KCNT1: variants seen among roughly 807,000 people sequenced by gnomAD.
KCNT1 encodes the protein potassium sodium-activated channel subfamily T member 1.
KCNT1 carries 78 observed loss-of-function variants against 147.8 expected under a neutral mutation model. The ratio of observed to expected loss-of-function variants is 0.53; its 90% CI spans 0.44 to 0.64. KCNT1 has a LOEUF of 0.64. KCNT1 is among the 30% of genes least tolerant of loss of function. KCNT1 has a pLI of 0.00. For synonymous variants in KCNT1, 867 were observed against 748.8 expected, an observed-to-expected ratio of 1.16 and a Z score of -2.58; for missense variants, 1,419 against 1,750.3, an observed-to-expected ratio of 0.81 and a Z score of 3.38.
At position 135,765,349 on chromosome 9, in the gene KCNT1, CGCCATCCTCTCCCCAGGACT is replaced by C. The variant is rs60237528; in HGVS notation, c.1200+177_1200+196del. ...ATGCCTCCCTCCCGGCGCCCAGAGA[CGCCATCCTCTCCCCAGGACT>C]GCCATCCTCTCCCCAGGACTGCTTG... is the stretch of plus-strand genomic sequence containing the variant. On this transcript the variant is annotated intron_variant, in intron 12 of 30. Transcript: ENST00000371757. Among the ~76,000 whole-genome samples the C allele has an allele frequency of 0.38, 55,602 of 144,814 alleles. 11,378 individuals are homozygous for C. The highest frequency in any genetic ancestry group is 0.47 in the African/African-American group (18,402 of 38,922).
intron 1 of KCNT1, among the ~76,000 whole-genome samples, chr9:135,702,779 G>A (rs949477387): frequency 8.5e-5 from 13 of 152,200 alleles, no homozygotes; most frequent in Middle Eastern, 6.8e-3. Context: ...GGCAGTGCTC[G>A]GCCAGGGTGG....
At position 135,767,755 on chromosome 9, in the gene KCNT1, C is replaced by T. The variant is rs533816683; in HGVS notation, c.1338-855C>T. Among the ~76,000 whole-genome samples, 8 of 152,234 alleles carry T rather than the reference C, an allele frequency of 5.3e-5. No individual in the cohort carries two copies. In the South Asian group the frequency reaches 1.2e-3, roughly 24 times the overall value. On this transcript the variant is annotated intron_variant, in intron 13 of 30. Coordinates refer to ENST00000371757, the MANE Select transcript of KCNT1 (RefSeq NM_020822.3). ...GACAAATCCAGGCAGCCCCAGCCAG[C>T]AGAGCCCCCTCGCACGACCTCCTGA...
At chr9:135,761,984 C>T (rs747363119) in intron 11 of KCNT1, among the ~76,000 whole-genome samples, 3 of 152,250 alleles carry the variant, frequency 2.0e-5, no homozygotes, top group East Asian at 1.9e-4. Context: ...CGCTCTCTCC[C>T]GTGCTTCTCA....
chr9:135,786,014 C>T lies in KCNT1; in HGVS notation c.3178-183C>T. ...CAGGAGGAAACCAGGCACATTCTTT[C>T]CAGAGGAGGAAGGCACATGCACCCT... is the stretch of plus-strand genomic sequence containing the variant. On this transcript the variant is annotated intron_variant, in intron 28 of 30. Coordinates refer to ENST00000371757, the MANE Select transcript of KCNT1 (RefSeq NM_020822.3). 3 of 604,454 alleles carry T rather than the reference C, an allele frequency of 5.0e-6. No individual in the cohort carries two copies. In the South Asian group the frequency reaches 6.1e-5, roughly 12 times the overall value. The allele number at this position is 604,454 out of a possible 1,614,324, so 37.4% of individuals were successfully genotyped here.
At chr9:135,778,592 G>T in intron 22 of KCNT1, 96 bp from the exon 23 acceptor site, 1 of 1,601,704 alleles carries the variant, frequency 6.2e-7, no homozygotes, top group Non-Finnish European at 8.5e-7. Context: ...GTGGGGTGGG[G>T]GGCTGAGGTC....
intron 1 of KCNT1, among the ~76,000 whole-genome samples, chr9:135,710,579 A>G (rs1835444066): frequency 6.6e-6 from 1 of 152,090 alleles, no homozygotes; most frequent in Admixed American, 6.5e-5. Context: ...CTGGATTCCA[A>G]CGTGGGCTTC....
In KCNT1 at chr9:135,758,468, C is replaced by T. The variant is rs757884130; in HGVS notation, c.814C>T (p.Leu272Phe). 1 of 1,613,786 alleles carries T rather than the reference C, an allele frequency of 6.2e-7. No individual in the cohort carries two copies. Among genetic ancestry groups the T allele is most frequent in the Admixed American group, 1.7e-5 (1 of 60,024 alleles). ...ACAGTCAGCCATGTTCAACCAGGTC[C>T]TCATCCTCTTCTGCACCCTGCTGTG... Reference protein sequence around the residue: ...RTQSAMFNQVLILFCTLLCLV... With the variant: ...RTQSAMFNQVFILFCTLLCLV... Residue 272 changes from leucine (L) to phenylalanine (F), a missense_variant, in exon 10 of 31, where the codon CTC becomes TTC. Leu to Phe is a conservative substitution (Grantham distance 22). Around this residue, in one of 5 missense-constraint regions of KCNT1, gnomAD observed 401 missense variants for 610.6 expected, o/e 0.66. Transcript: ENST00000371757.
chr9:135,736,533 G>C (rs1394076165), intron 2 of KCNT1: 1 of 151,404 alleles, frequency 6.6e-6, no homozygotes, highest in African/African-American at 2.4e-5. Context: ...TCCACTGCGC[G>C]GCGGCGTGGG....
chr9:135,730,638 GC>G lies in KCNT1; in HGVS notation c.254+15921del, dbSNP rs1836391983. Reference sequence around the variant, plus strand: ...CTCCCTGGGACTCCAGAAGGAGCCAGCCCTGCCGGCACTTCAGGCTTGGGAT... The same window carrying G: ...CTCCCTGGGACTCCAGAAGGAGCCAGCCTGCCGGCACTTCAGGCTTGGGAT... On this transcript the variant is annotated intron_variant, in intron 2 of 30. Coordinates refer to ENST00000371757, the MANE Select transcript of KCNT1 (RefSeq NM_020822.3). The surrounding 1 kb of genome is among the most constrained non-coding windows in gnomAD (Gnocchi z 4.7). 6.6e-6 allele frequency among the ~76,000 whole-genome samples: 1 copy of G among 152,194 alleles called. No individual in the cohort carries two copies.
At position 135,777,863 on chromosome 9, in the gene KCNT1, C is replaced by CCTCCCCACTCCCAGCTT. The variant is rs1181831839; in HGVS notation, c.2522+368_2522+384dup. On this transcript the variant is annotated intron_variant, in intron 21 of 30. Transcript: ENST00000371757. ...TCCCAGCTACTCTCCATTCCCAGCT[C>CCTCCCCACTCCCAGCTT]CTCCCCACTCCCAGCTTCTCCCCAC... 5.3e-5 allele frequency among the ~76,000 whole-genome samples: 8 copies of CCTCCCCACTCCCAGCTT among 151,584 alleles called. No homozygotes were observed. In the South Asian group the frequency reaches 8.4e-4, roughly 16 times the overall value.
In KCNT1 at chr9:135,714,660, C is replaced by T; in HGVS notation, c.194C>T (p.Pro65Leu). The T allele has an allele frequency of 6.7e-7, 1 of 1,485,926 alleles. No individual in the cohort carries two copies. Among genetic ancestry groups the T allele is most frequent in the East Asian group, 3.0e-5 (1 of 33,604 alleles). The allele number at this position is 1,485,926 out of a possible 1,614,324, so 92.0% of individuals were successfully genotyped here. ...SDLDSEVLPL[P>L]PRYRFRDLLL... ...CTGGACTCCGAGGTGCTGCCCTTGC[C>T]GCCGCGCTACCGCTTCCGGGACCTG... The change falls in exon 2 of 31, where the codon CCG becomes CTG. Residue 65 changes from proline to leucine, a missense_variant. Pro to Leu is a moderately conservative substitution (Grantham distance 98). Transcript: ENST00000371757. The surrounding 1 kb of genome is among the most constrained non-coding windows in gnomAD (Gnocchi z 6.2).
chr9:135,791,425 G>A, intron 29 of KCNT1: 2 of 259,422 alleles, frequency 7.7e-6, no homozygotes, highest in Middle Eastern at 1.3e-3. Context: ...ATGCATGTGA[G>A]GTGAACAGAC....
At chr9:135,786,771 G>T (rs187850548) in intron 29 of KCNT1, among the ~76,000 whole-genome samples, 88 of 152,372 alleles carry the variant, frequency 5.8e-4, no homozygotes, top group African/African-American at 1.5e-3. Flanking sequence ...GTGCTGGGAG[G>T]CCACAGGACC....
chr9:135,778,826 C>T lies in KCNT1; in HGVS notation c.2729+4C>T, dbSNP rs1044688968. 4 of 1,613,318 alleles carry T rather than the reference C, an allele frequency of 2.5e-6. No homozygotes were observed. Among genetic ancestry groups the T allele is most frequent in the Non-Finnish European group, 2.5e-6 (3 of 1,179,778 alleles). The stretch of plus-strand genomic sequence containing the variant: ...TCAACGTGCAGACCATGTTCCGGTG[C>T]GTCCAGTGTCCGGGGCTCGGCTCTA... On this transcript the variant is annotated splice_donor_region_variant and intron_variant, in intron 23 of 30. Transcript: ENST00000371757.
intron 2 of KCNT1, among the ~76,000 whole-genome samples, chr9:135,724,589 C>T (rs1836054520): frequency 6.6e-6 from 1 of 152,242 alleles, no homozygotes. Flanking sequence ...TCAGCAAATA[C>T]AAATACAGGA....
intron 2 of KCNT1, among the ~76,000 whole-genome samples, chr9:135,742,296 G>A (rs189049506): frequency 2.3e-4 from 35 of 152,350 alleles, no homozygotes; most frequent in South Asian, 8.3e-4. Flanking sequence ...AGCTCACCGC[G>A]CTCGCTTCTG....
At position 135,752,151 on chromosome 9, in the gene KCNT1, G is replaced by A. The variant is rs576722991; in HGVS notation, c.434+1110G>A. ...GTGTGGTTGTCACCATCCAGCCATCGGGGTGAACCCTGCCAGCATGCTGGT... is the reference window on the plus strand; with the variant it reads ...GTGTGGTTGTCACCATCCAGCCATCAGGGTGAACCCTGCCAGCATGCTGGT... On this transcript the variant is annotated intron_variant, in intron 4 of 30. Transcript: ENST00000371757. This position sits in a 1 kb window ranked among gnomAD's most constrained non-coding sequence, Gnocchi z 5.1. The A allele has an allele frequency of 2.1e-5, 7 of 339,554 alleles. No individual in the cohort carries two copies. Among genetic ancestry groups the A allele is most frequent in the Non-Finnish European group, 3.5e-5 (6 of 171,178 alleles). The allele number at this position is 339,554 out of a possible 1,614,324, so 21.0% of individuals were successfully genotyped here. A position where few individuals can be genotyped will look rare whatever the true frequency, so the allele number is the denominator to read the frequency against.
chr9:135,778,589 G>A (rs549476149), intron 22 of KCNT1, 94 bp downstream of exon 22: 23 of 1,598,682 alleles, frequency 1.4e-5, no homozygotes, highest in Non-Finnish European at 1.9e-5. Context: ...CAGGTGGGGT[G>A]GGGGGCTGAG....
chr9:135,779,235 T>G, intron 23 of KCNT1, 124 bp from the exon 24 acceptor site: 2 of 336,186 alleles, frequency 5.9e-6, no homozygotes, highest in East Asian at 5.0e-5. Flanking sequence ...GGCCCTGCCC[T>G]GAGACCCCCC....
Sources: allele counts gnomAD v4.1 joint callset (sites outside exome capture counted in the v4.1 genomes callset), GRCh38; gene constraint gnomAD v4.1.1; regional missense constraint gnomAD v4.1.1; non-coding constraint Gnocchi (gnomAD v3.1); transcripts MANE v1.5; gene names NCBI Gene and HGNC (gene_info 2026-07-23, HGNC 2026-07-21).